TAFA2: variants seen among roughly 807,000 people sequenced by gnomAD.
TAFA2 encodes TAFA chemokine like family member 2.
TAFA2 carries 7 observed loss-of-function variants against 18.8 expected under a neutral mutation model. The observed-to-expected ratio is 0.37, with a 90% CI of 0.21 to 0.70. TAFA2 has a LOEUF of 0.70. Ranked by LOEUF, TAFA2 falls within the 30% of genes least tolerant of loss-of-function variation. The probability of loss-of-function intolerance (pLI) is 0.53; values close to 1 mark genes in which losing one functional copy is unlikely to be tolerated. For missense variants in TAFA2, 122 were observed against 158.1 expected, an observed-to-expected ratio of 0.77 and a Z score of 1.23; for synonymous variants, 60 against 54.2, an observed-to-expected ratio of 1.11 and a Z score of -0.47.
chr12:61,947,322 G>C (rs1013238531), intron 1 of TAFA2, among the ~76,000 whole-genome samples: 1 of 141,410 alleles, frequency 7.1e-6, no homozygotes, highest in Non-Finnish European at 1.5e-5. Flanking sequence ...AGGTGGGAGG[G>C]GGGAGGGATA....
At chr12:62,009,370 A>G (rs764374268) in intron 1 of TAFA2, among the ~76,000 whole-genome samples, 1 of 152,194 alleles carries the variant, frequency 6.6e-6, no homozygotes, top group Non-Finnish European at 1.5e-5. Flanking sequence ...TTTAAAAAGC[A>G]TTTCTTAAGT....
intron 2 of TAFA2, among the ~76,000 whole-genome samples, chr12:61,836,274 T>C (rs1872916202): frequency 6.6e-6 from 1 of 151,920 alleles, no homozygotes; most frequent in African/African-American, 2.4e-5. Context: ...TTACTAAAAA[T>C]AGATTTCTGA....
chr12:61,900,563 A>G (rs1876053466), intron 1 of TAFA2, among the ~76,000 whole-genome samples: 1 of 152,170 alleles, frequency 6.6e-6, no homozygotes, highest in South Asian at 2.1e-4. Flanking sequence ...CCTTCCTCCA[A>G]TGGCAGCAGG....
chr12:61,940,210 T>A (rs1243546968), intron 1 of TAFA2, among the ~76,000 whole-genome samples: 1 of 152,218 alleles, frequency 6.6e-6, no homozygotes, highest in Non-Finnish European at 1.5e-5. Context: ...ATGTAATGTG[T>A]GCAATTGCAT....
At chr12:61,865,667 G>T (rs1874323381) in intron 2 of TAFA2, among the ~76,000 whole-genome samples, 1 of 152,200 alleles carries the variant, frequency 6.6e-6, no homozygotes, top group Admixed American at 6.5e-5. Flanking sequence ...CTATTTAAAT[G>T]TCTTAAAGTA....
chr12:62,106,371 C>A (rs1004063588), intron 1 of TAFA2, among the ~76,000 whole-genome samples: 2 of 151,098 alleles, frequency 1.3e-5, no homozygotes, highest in African/African-American at 2.4e-5. Flanking sequence ...AACAAAAAAA[C>A]AAAAACAAAA....
chr12:61,801,546 A>G (rs573269175), intron 2 of TAFA2, among the ~76,000 whole-genome samples: 17 of 152,192 alleles, frequency 1.1e-4, no homozygotes, highest in African/African-American at 3.9e-4. Flanking sequence ...GGGAAAATTA[A>G]GTGTCTTATA....
At chr12:61,726,104 G>A (rs1466856866) in intron 4 of TAFA2, among the ~76,000 whole-genome samples, 1 of 149,166 alleles carries the variant, frequency 6.7e-6, no homozygotes, top group African/African-American at 2.5e-5. Flanking sequence ...TCTTTACATT[G>A]TTCTAAAATA....
At chr12:62,045,964 G>C (rs1881896852) in intron 1 of TAFA2, among the ~76,000 whole-genome samples, 1 of 152,108 alleles carries the variant, frequency 6.6e-6, no homozygotes, top group African/African-American at 2.4e-5. Flanking sequence ...GAGAACTTAA[G>C]AATGAGAACT....
intron 2 of TAFA2, among the ~76,000 whole-genome samples, chr12:61,796,371 C>T (rs1871190536): frequency 6.6e-6 from 1 of 151,990 alleles, no homozygotes; most frequent in Non-Finnish European, 1.5e-5. Context: ...ATATTAGCAA[C>T]AACATGGATG....
At chr12:61,990,357 T>TTTTTTTG (rs1879961613) in intron 1 of TAFA2, among the ~76,000 whole-genome samples, 2 of 149,756 alleles carry the variant, frequency 1.3e-5, no homozygotes, top group South Asian at 2.1e-4. Flanking sequence ...TTTTTTTTTT[T>TTTTTTTG]GAGGCAGAGT....
rs149989772 is a variant in TAFA2 at position 62,123,724 on chromosome 12, A to AAC, written c.-2+67533_-2+67534dup. On this transcript the variant is annotated intron_variant, in intron 1 of 4. Transcript: ENST00000416284. ...ACACATACATTCTGAACCCTCCCCC[A>AAC]ACACACACACACACACACCTACCCC... Among the ~76,000 whole-genome samples, 120 of 132,046 alleles carry AAC rather than the reference A, an allele frequency of 9.1e-4. 1 individual carries two copies. The East Asian group carries it at 0.013, about 15-fold the overall frequency. 86.6% of individuals were successfully genotyped at this position (132,046 alleles called of 152,430 possible).
At chr12:62,052,399 C>T (rs140311193) in intron 1 of TAFA2, among the ~76,000 whole-genome samples, 60 of 152,252 alleles carry the variant, frequency 3.9e-4, no homozygotes, top group Admixed American at 1.9e-3. Flanking sequence ...ACTATGTTCC[C>T]CAGGCTGGTC....
chr12:62,137,822 C>T (rs73125857), intron 1 of TAFA2, among the ~76,000 whole-genome samples: 5,856 of 152,196 alleles, frequency 0.038, 194 homozygotes, highest in Non-Finnish European at 0.057. Flanking sequence ...CAGCATCGCT[C>T]CTGTATTCAA....
chr12:61,843,737 C>T (rs868446389), intron 2 of TAFA2, among the ~76,000 whole-genome samples: 10 of 152,038 alleles, frequency 6.6e-5, no homozygotes, highest in Non-Finnish European at 1.2e-4. Context: ...CACATAAATA[C>T]GTAAACAAAT....
chr12:61,928,493 G>A (rs760401316), intron 1 of TAFA2, among the ~76,000 whole-genome samples: 9 of 152,066 alleles, frequency 5.9e-5, no homozygotes, highest in East Asian at 1.9e-4. Flanking sequence ...TTAGAATGGC[G>A]ATCATTAAAA....
chr12:61,932,434 T>C (rs1592496303), intron 1 of TAFA2, among the ~76,000 whole-genome samples: 1 of 152,054 alleles, frequency 6.6e-6, no homozygotes, highest in Non-Finnish European at 1.5e-5. Flanking sequence ...AGGAGAGGCA[T>C]AATATCATCC....
At chr12:61,777,195 G>T (rs1015382120) in intron 2 of TAFA2, among the ~76,000 whole-genome samples, 2 of 151,896 alleles carry the variant, frequency 1.3e-5, no homozygotes, top group Non-Finnish European at 1.5e-5. Flanking sequence ...GGGGGAAGCA[G>T]CAGAGCAACT....
At chr12:62,000,632 G>A (rs1880347836) in intron 1 of TAFA2, among the ~76,000 whole-genome samples, 1 of 116,628 alleles carries the variant, frequency 8.6e-6, no homozygotes, top group African/African-American at 2.8e-5. Context: ...ACAAAAAAAT[G>A]TACAAAGGTG....
Sources: allele counts gnomAD v4.1 joint callset (sites outside exome capture counted in the v4.1 genomes callset), GRCh38; gene constraint gnomAD v4.1.1; transcripts MANE v1.5; gene names NCBI Gene and HGNC (gene_info 2026-07-23, HGNC 2026-07-21).